Variants in MIGA2 observed in about 807,000 individuals in gnomAD.
MIGA2 encodes the protein mitoguardin 2.
Under a neutral mutation model 69.9 loss-of-function variants are expected in MIGA2, and 36 were observed. The ratio of observed to expected loss-of-function variants is 0.52; its 90% CI spans 0.39 to 0.68. The LOEUF (loss-of-function observed/expected upper bound fraction) is 0.68. Among genes scored for constraint, MIGA2 ranks in the 30% least tolerant of loss-of-function variants. The pLI is 0.00. For synonymous variants in MIGA2, 333 were observed against 349.2 expected (o/e 0.95, Z 0.52); for missense variants, 660 against 787.7 (o/e 0.84, Z 1.94).
At chr9:129,045,005 C>G (rs1189225067) in intron 3 of MIGA2, among the ~76,000 whole-genome samples, 5 of 151,854 alleles carry the variant, frequency 3.3e-5, no homozygotes, top group Non-Finnish European at 7.4e-5. Context: ...TGAGACCAGC[C>G]TGGCCAACAC....
At position 129,063,319 on chromosome 9, in the gene MIGA2, G is replaced by A; in HGVS notation, c.1083+3G>A. 6.2e-7 allele frequency: 1 copy of A among 1,614,038 alleles called. No individual in the cohort carries two copies. The highest frequency in any genetic ancestry group is 8.5e-7 in the Non-Finnish European group (1 of 1,180,020). On this transcript the variant is annotated splice_donor_region_variant and intron_variant, in intron 10 of 15. Coordinates refer to ENST00000684074, the MANE Select transcript of MIGA2 (RefSeq NM_001329990.2). ...ACTGTGTGCGGCAGGCCTTCGAGGT[G>A]GGTGTGGCCTGGGGGTTCCTCGGGG...
intron 11 of MIGA2, chr9:129,067,488 C>T: frequency 2.3e-6 from 1 of 427,912 alleles, no homozygotes; most frequent in South Asian, 3.2e-5. Context: ...GACTCTAACC[C>T]TCACATTCTG....
chr9:129,055,301 C>T (rs1845738811), intron 6 of MIGA2, among the ~76,000 whole-genome samples: 1 of 151,930 alleles, frequency 6.6e-6, no homozygotes, highest in African/African-American at 2.4e-5. Context: ...TGGTCTTGAA[C>T]TCCTGACCTC....
At position 129,061,118 on chromosome 9, in the gene MIGA2, GTGGGCAGGCACC is replaced by G; in HGVS notation, c.895-108_895-97del. 1.2e-6 allele frequency: 1 copy of G among 840,740 alleles called. No homozygotes were observed. Among genetic ancestry groups the G allele is most frequent in the Non-Finnish European group, 2.0e-6 (1 of 510,848 alleles). The allele number at this position is 840,740 out of a possible 1,614,324, so 52.1% of individuals were successfully genotyped here. A position where few individuals can be genotyped will look rare whatever the true frequency, so the allele number is the denominator to read the frequency against. On this transcript the variant is annotated intron_variant, in intron 8 of 15. Transcript: ENST00000684074. The surrounding 1 kb of genome is among the most constrained non-coding windows in gnomAD (Gnocchi z 5.0). ...TGACATCCCCTCAGAGACGTTGGCA[GTGGGCAGGCACC>G]TGGGGTGGCCGCTGTGGCCGACCAA...
At chr9:129,054,804 T>A (rs958889427) in intron 6 of MIGA2, among the ~76,000 whole-genome samples, 4 of 152,230 alleles carry the variant, frequency 2.6e-5, no homozygotes, top group African/African-American at 9.6e-5. Flanking sequence ...CTGTGAACAT[T>A]CATGTACAGG....
intron 2 of MIGA2, among the ~76,000 whole-genome samples, 196 bp downstream of exon 2, chr9:129,040,886 T>A (rs1271101256): frequency 1.3e-5 from 2 of 152,142 alleles, no homozygotes; most frequent in African/African-American, 2.4e-5. Context: ...CTTTTTTTTT[T>A]AATTAATTAA....
In MIGA2 at chr9:129,040,636, C is replaced by G; in HGVS notation, c.42C>G (p.Ala14=). ...CCGAGGGCACGTCTATGATCCAGGC[C>G]CTGGCCATGACGGTGGCCGAGATCC... The part of the protein sequence containing the change: ...RRAEGTSMIQ[A]LAMTVAEIPV... The change falls in exon 2 of 16, where the codon GCC becomes GCG. Residue 14 remains alanine, a synonymous_variant. Transcript: ENST00000684074. 1 of 1,613,872 alleles carries G rather than the reference C, an allele frequency of 6.2e-7. No individual in the cohort carries two copies. Among genetic ancestry groups the G allele is most frequent in the Non-Finnish European group, 8.5e-7 (1 of 1,179,796 alleles).
intron 6 of MIGA2, among the ~76,000 whole-genome samples, chr9:129,057,403 C>T (rs1361888387): frequency 2.0e-5 from 3 of 151,566 alleles, no homozygotes; most frequent in Non-Finnish European, 4.4e-5. Context: ...ATGCCATCCT[C>T]CTGTCTCAGC....
Position 129,045,760 on chromosome 9 carries a change from C to T in MIGA2, c.308-2667C>T, listed in dbSNP as rs547538184. 4.0e-5 allele frequency among the ~76,000 whole-genome samples: 6 copies of T among 151,410 alleles called. No homozygotes were observed. The South Asian group carries it at 1.3e-3, about 32-fold the overall frequency. On this transcript the variant is annotated intron_variant, in intron 3 of 15. Transcript: ENST00000684074. ...CTGTCTCTGTTAAAAAAATAAGAAG[C>T]AAAAGTCTCCTGTGAAAATAAATTT... is the stretch of plus-strand genomic sequence containing the variant.
intron 11 of MIGA2, 92 bp downstream of exon 11, chr9:129,063,723 C>A: frequency 1.7e-6 from 2 of 1,193,008 alleles, no homozygotes; most frequent in Non-Finnish European, 2.4e-6. Context: ...CCCCTGTGCA[C>A]AGGCTGATAC....
At position 129,059,101 on chromosome 9, in the gene MIGA2, T is replaced by G; in HGVS notation, c.676-53T>G. ...GACCTGGGGGTGAGGGAAGGGGCCA[T>G]TTTCATCGGGAGCTTTGAGGGTCTG... On this transcript the variant is annotated intron_variant, in intron 6 of 15. Coordinates refer to ENST00000684074, the MANE Select transcript of MIGA2 (RefSeq NM_001329990.2). This position sits in a 1 kb window ranked among gnomAD's most constrained non-coding sequence, Gnocchi z 5.6. 1 of 1,544,828 alleles carries G rather than the reference T, an allele frequency of 6.5e-7. No homozygotes were observed. The highest frequency in any genetic ancestry group is 8.9e-7 in the Non-Finnish European group (1 of 1,119,130).
At chr9:129,055,574 C>T (rs767953202) in intron 6 of MIGA2, among the ~76,000 whole-genome samples, 3 of 151,992 alleles carry the variant, frequency 2.0e-5, no homozygotes, top group Non-Finnish European at 2.9e-5. Context: ...CCAGGGGCCT[C>T]GCGCGGTGGC....
In MIGA2 at chr9:129,049,870, A is replaced by T. The variant is rs1454104258; in HGVS notation, c.582A>T (p.Ala194=). 1.2e-6 allele frequency: 2 copies of T among 1,613,932 alleles called. No homozygotes were observed. The highest frequency in any genetic ancestry group is 1.7e-5 in the Admixed American group (1 of 59,984). Residue 194 remains alanine (A), a synonymous_variant, in exon 6 of 16, where the codon GCA becomes GCT. Coordinates refer to ENST00000684074, the MANE Select transcript of MIGA2 (RefSeq NM_001329990.2). The part of the protein sequence containing the change: ...FEEALQKWEQ[A]LSVGQRGDSG... ...AAGCTCTGCAGAAGTGGGAGCAGGC[A>T]CTAAGCGTGGGCCAGCGGGGGGACA... is the stretch of plus-strand genomic sequence containing the variant.
At chr9:129,043,995 C>T (rs532794835) in intron 3 of MIGA2, among the ~76,000 whole-genome samples, 8 of 149,218 alleles carry the variant, frequency 5.4e-5, no homozygotes, top group African/African-American at 1.2e-4. Flanking sequence ...CCAACCTGCC[C>T]GGCTTTTTTT....
At position 129,047,356 on chromosome 9, in the gene MIGA2, G is replaced by A. The variant is rs185667796; in HGVS notation, c.308-1071G>A. The stretch of plus-strand genomic sequence containing the variant: ...AGCCTCCCAAAGTGCTGGGATTACA[G>A]GTGTGAGCCACTGTGCCCGGCCCTG... On this transcript the variant is annotated intron_variant, in intron 3 of 15. Coordinates refer to ENST00000684074, the MANE Select transcript of MIGA2 (RefSeq NM_001329990.2). 1.5e-3 allele frequency: 224 copies of A among 152,258 alleles called. 1 individual carries two copies. Among genetic ancestry groups the A allele is most frequent in the African/African-American group, 5.3e-3 (220 of 41,548 alleles). The allele number at this position is 152,258 out of a possible 1,614,324, so 9.4% of individuals were successfully genotyped here.
chr9:129,045,356 C>T (rs982134878), intron 3 of MIGA2, among the ~76,000 whole-genome samples: 17 of 144,206 alleles, frequency 1.2e-4, no homozygotes, highest in Non-Finnish European at 1.8e-4. Context: ...GCAGAAGGAT[C>T]GCTTGAACCC....
chr9:129,037,028 T>C (rs1844627555), intron 1 of MIGA2: 3 of 1,002,102 alleles, frequency 3.0e-6, no homozygotes, highest in South Asian at 9.3e-5. Flanking sequence ...TGAGTTTCAA[T>C]GATATTCCGG....
At chr9:129,042,649 G>A (rs1365149903) in intron 3 of MIGA2, 135 bp downstream of exon 3, 1 of 902,022 alleles carries the variant, frequency 1.1e-6, no homozygotes, top group Non-Finnish European at 1.7e-6. Context: ...TGATCTGTGA[G>A]CGGGATGACA....
rs774971135 is a variant in MIGA2 at position 129,069,718 on chromosome 9, C to T, written c.1459-131C>T. On this transcript the variant is annotated intron_variant, in intron 14 of 15. Transcript: ENST00000684074. This position sits in a 1 kb window ranked among gnomAD's most constrained non-coding sequence, Gnocchi z 4.9. ...GGCTTCGAAAGCTTGAGTCACTGCC[C>T]AGGGTCATCTAGCAGGAAAGTACAT... The T allele has an allele frequency of 3.9e-5, 29 of 749,030 alleles. No homozygotes were observed. In the Admixed American group the frequency reaches 4.5e-4, roughly 12 times the overall value. 46.4% of individuals were successfully genotyped at this position (749,030 alleles called of 1,614,324 possible). A position where few individuals can be genotyped will look rare whatever the true frequency, so the allele number is the denominator to read the frequency against.
Sources: gnomAD v4.1 joint callset for allele counts (sites outside exome capture counted in the v4.1 genomes callset) on GRCh38, gnomAD v4.1.1 for gene constraint, Gnocchi (gnomAD v3.1) non-coding constraint, MANE v1.5 for transcripts, NCBI Gene and HGNC (gene_info 2026-07-23, HGNC 2026-07-21) for gene names.